The following LMAN2L variants were observed in gnomAD, a reference collection of about 807,000 sequenced individuals.
LMAN2L encodes the protein VIP36-like protein.
In LMAN2L, 30 loss-of-function variants were observed where a neutral mutation model predicts 44.3. The ratio of observed to expected loss-of-function variants is 0.68; its 90% confidence interval spans 0.51 to 0.92. LMAN2L has a LOEUF of 0.92. LMAN2L is among the 40% of genes least tolerant of loss of function. LMAN2L has a pLI of 0.00. For missense variants in LMAN2L, 429 were observed against 446.1 expected (o/e 0.96, Z 0.35); for synonymous variants, 183 against 171.1 (o/e 1.07, Z -0.54).
intron 4 of LMAN2L, among the ~76,000 whole-genome samples, chr2:96,730,622 T>C (rs1230654828): frequency 1.3e-5 from 2 of 152,200 alleles, no homozygotes; most frequent in Admixed American, 6.5e-5. Flanking sequence ...CTTTTCATTC[T>C]AGCCTCATCT....
intron 6 of LMAN2L, 50 bp from the exon 7 acceptor site, chr2:96,707,883 T>C: frequency 6.3e-7 from 1 of 1,597,788 alleles, no homozygotes; most frequent in Non-Finnish European, 8.5e-7. Flanking sequence ...AAAAGAGGTA[T>C]GTTTCTTGAA....
At position 96,707,177 on chromosome 2, in the gene LMAN2L, A is replaced by G; in HGVS notation, c.*79T>C. 1 of 1,390,700 alleles carries G rather than the reference A, an allele frequency of 7.2e-7. No individual in the cohort carries two copies. Among genetic ancestry groups the G allele is most frequent in the Admixed American group, 2.0e-5 (1 of 50,962 alleles). 86.1% of individuals were successfully genotyped at this position (1,390,700 alleles called of 1,614,324 possible). On this transcript the variant is annotated 3_prime_UTR_variant, in exon 8 of 8. Transcript: ENST00000264963. Reference sequence around the variant, plus strand: ...GCTGCTAGAGACAAGAACACTCTCCAGGCTGCATGCTCAGGCCAGTGCCTG... The same window carrying G: ...GCTGCTAGAGACAAGAACACTCTCCGGGCTGCATGCTCAGGCCAGTGCCTG...
At chr2:96,709,673 A>G (rs967590623) in intron 6 of LMAN2L, among the ~76,000 whole-genome samples, 1 of 152,244 alleles carries the variant, frequency 6.6e-6, no homozygotes, top group African/African-American at 2.4e-5. Flanking sequence ...TCCTCATGCA[A>G]TGCAGGGCAT....
intron 4 of LMAN2L, among the ~76,000 whole-genome samples, chr2:96,722,481 C>G (rs1224262996): frequency 6.6e-6 from 1 of 151,950 alleles, no homozygotes; most frequent in South Asian, 2.1e-4. Flanking sequence ...CATAAGAGGG[C>G]TCCTGCTCCT....
At chr2:96,709,293 C>A (rs367730696) in intron 6 of LMAN2L, among the ~76,000 whole-genome samples, 3 of 152,144 alleles carry the variant, frequency 2.0e-5, no homozygotes, top group African/African-American at 7.2e-5. Flanking sequence ...TTGGCTCCTG[C>A]GTCTCTTTAC....
At chr2:96,719,478 G>A (rs2078105627) in intron 4 of LMAN2L, among the ~76,000 whole-genome samples, 1 of 152,042 alleles carries the variant, frequency 6.6e-6, no homozygotes, top group South Asian at 2.1e-4. Flanking sequence ...ACTGAGTGTG[G>A]TGGCTCATGC....
intron 4 of LMAN2L, among the ~76,000 whole-genome samples, chr2:96,716,541 AG>A (rs1323995505): frequency 6.6e-6 from 1 of 152,246 alleles, no homozygotes; most frequent in East Asian, 1.9e-4. Context: ...AACAGAACTA[AG>A]ATGTTTGCAA....
chr2:96,737,132 C>A, intron 2 of LMAN2L: 3 of 456,278 alleles, frequency 6.6e-6, no homozygotes, highest in South Asian at 4.7e-5. Context: ...AAAGCATCAT[C>A]TTACACTTGT....
rs1356982806 is a variant in LMAN2L at position 96,707,712 on chromosome 2, ACT to A, written c.904_904+1del. The A allele has an allele frequency of 1.9e-6, 3 of 1,613,730 alleles. No individual in the cohort carries two copies. Among genetic ancestry groups the A allele is most frequent in the Non-Finnish European group, 2.5e-6 (3 of 1,179,966 alleles). ...CCATTTCCCGCGGGCCCCTGTGCTC[ACT>A]CTCAGGCAGCTTCATATTGTCCACT... On this transcript the variant is annotated splice_donor_variant and coding_sequence_variant, in exon 7 of 8. Transcript: ENST00000264963. LOFTEE classifies it high-confidence loss of function.
chr2:96,723,940 A>T (rs897113793), intron 4 of LMAN2L, among the ~76,000 whole-genome samples: 10 of 146,704 alleles, frequency 6.8e-5, no homozygotes, highest in South Asian at 2.1e-4. Context: ...CATATATATT[A>T]AAAAAAAAAA....
At chr2:96,723,873 G>A (rs1484963995) in intron 4 of LMAN2L, among the ~76,000 whole-genome samples, 2 of 152,098 alleles carry the variant, frequency 1.3e-5, no homozygotes, top group Non-Finnish European at 2.9e-5. Flanking sequence ...TGGATCACGA[G>A]ATCAGGAGAT....
chr2:96,721,020 A>G (rs2078142045), intron 4 of LMAN2L, among the ~76,000 whole-genome samples: 1 of 152,154 alleles, frequency 6.6e-6, no homozygotes, highest in Non-Finnish European at 1.5e-5. Context: ...ATATAATTCA[A>G]TGGCATTTAG....
At chr2:96,725,667 G>A (rs563686550) in intron 4 of LMAN2L, among the ~76,000 whole-genome samples, 4 of 150,618 alleles carry the variant, frequency 2.7e-5, no homozygotes, top group South Asian at 2.1e-4. Flanking sequence ...GGATGGTCTC[G>A]ATCTCCTGAC....
At chr2:96,727,950 C>T (rs1206505558) in intron 4 of LMAN2L, among the ~76,000 whole-genome samples, 1 of 152,218 alleles carries the variant, frequency 6.6e-6, no homozygotes, top group Non-Finnish European at 1.5e-5. Flanking sequence ...TTTCTACATG[C>T]ACTTCAGTTT....
At chr2:96,724,695 G>A (rs1477209497) in intron 4 of LMAN2L, among the ~76,000 whole-genome samples, 1 of 152,100 alleles carries the variant, frequency 6.6e-6, no homozygotes, top group Non-Finnish European at 1.5e-5. Flanking sequence ...TGCCCAGGCT[G>A]GAGTGAAGTG....
intron 4 of LMAN2L, among the ~76,000 whole-genome samples, chr2:96,730,849 A>AT (rs1246417323): frequency 6.6e-6 from 1 of 151,990 alleles, no homozygotes; most frequent in Non-Finnish European, 1.5e-5. Flanking sequence ...TAATTTTTGT[A>AT]TTTTTAGTAG....
chr2:96,732,881 T>C (rs2078434971), intron 4 of LMAN2L, among the ~76,000 whole-genome samples: 1 of 150,000 alleles, frequency 6.7e-6, no homozygotes, highest in African/African-American at 2.5e-5. Flanking sequence ...CCCGAGTAGG[T>C]GGGATTACAG....
At chr2:96,734,804 A>C (rs1372232016) in intron 2 of LMAN2L, 1 of 410,260 alleles carries the variant, frequency 2.4e-6, no homozygotes. Flanking sequence ...TGGAAAAGAC[A>C]AGAGTGTACC....
chr2:96,714,144 A>T (rs1189765812), intron 4 of LMAN2L, among the ~76,000 whole-genome samples: 5 of 152,278 alleles, frequency 3.3e-5, no homozygotes, highest in African/African-American at 1.2e-4. Flanking sequence ...AGGAAAATAA[A>T]ATAGGTAATA....
Sources: allele counts gnomAD v4.1 joint callset (sites outside exome capture counted in the v4.1 genomes callset), GRCh38; gene constraint gnomAD v4.1.1; transcripts MANE v1.5; gene names NCBI Gene and HGNC (gene_info 2026-07-23, HGNC 2026-07-21).